The following LSAMP variants were observed in gnomAD, a reference collection of about 807,000 sequenced individuals.
LSAMP encodes the protein limbic system-associated membrane protein.
Under a neutral mutation model 38.6 loss-of-function variants are expected in LSAMP, and 7 were observed. That is an observed-to-expected ratio of 0.18 (90% CI 0.10 to 0.34). The LOEUF (loss-of-function observed/expected upper bound fraction) is 0.34. LSAMP is among the 10% of genes least tolerant of loss of function. LSAMP has a pLI of 1.00. For synonymous variants in LSAMP, 154 were observed against 166.8 expected (o/e 0.92, Z 0.59); for missense variants, 313 against 420.0 (o/e 0.75, Z 2.23).
chr3:116,210,517 T>G (rs926850613), intron 1 of LSAMP, among the ~76,000 whole-genome samples: 3 of 152,212 alleles, frequency 2.0e-5, no homozygotes, highest in African/African-American at 4.8e-5. Context: ...CCAGGAGCTC[T>G]CGGGCCTTTG....
At chr3:116,161,552 A>T (rs1052845822) in intron 1 of LSAMP, among the ~76,000 whole-genome samples, 27 of 152,140 alleles carry the variant, frequency 1.8e-4, no homozygotes, top group African/African-American at 6.5e-4. Flanking sequence ...CAGGTACATA[A>T]GCCTGGACTA....
chr3:116,105,658 G>T (rs911914059), intron 1 of LSAMP, among the ~76,000 whole-genome samples: 1 of 152,144 alleles, frequency 6.6e-6, no homozygotes, highest in Non-Finnish European at 1.5e-5. Flanking sequence ...CACAATGGTG[G>T]AATGTCATCA....
intron 4 of LSAMP, among the ~76,000 whole-genome samples, chr3:115,848,098 A>G (rs1293240887): frequency 6.6e-6 from 1 of 152,216 alleles, no homozygotes; most frequent in Non-Finnish European, 1.5e-5. Flanking sequence ...AGAATAAACT[A>G]AAGATGAGCA....
intron 3 of LSAMP, among the ~76,000 whole-genome samples, chr3:115,947,238 T>C (rs1938129201): frequency 6.6e-6 from 1 of 152,152 alleles, no homozygotes; most frequent in South Asian, 2.1e-4. Flanking sequence ...AAATCAGAAA[T>C]GAGACAATGA....
intron 1 of LSAMP, among the ~76,000 whole-genome samples, chr3:116,121,572 T>C (rs1708876676): frequency 6.6e-6 from 1 of 152,206 alleles, no homozygotes; most frequent in Non-Finnish European, 1.5e-5. Flanking sequence ...ATATGCTCAG[T>C]TGGCAGCAGA....
intron 1 of LSAMP, among the ~76,000 whole-genome samples, chr3:116,357,931 G>GACCT (rs2048247958): frequency 6.8e-6 from 1 of 146,236 alleles, no homozygotes; most frequent in Non-Finnish European, 1.5e-5. Context: ...AAAAAAAAAA[G>GACCT]AGGTTGAACA....
rs553588607 is a variant in LSAMP, at chr3:115,955,962, G to A, written c.514+63553C>T. Among the ~76,000 whole-genome samples the A allele has an allele frequency of 3.9e-5, 6 of 152,172 alleles. No homozygotes were observed. In the South Asian group the frequency reaches 1.2e-3, roughly 32 times the overall value. On this transcript the variant is annotated intron_variant, in intron 3 of 6. Transcript: ENST00000490035. ...CAGCATCAGGCATTTTTTTAAAAGA[G>A]TTTTTATAGAAAATTCAAGCTATTG... is the stretch of plus-strand genomic sequence containing the variant.
At chr3:116,393,031 A>G (rs1361553565) in intron 1 of LSAMP, among the ~76,000 whole-genome samples, 2 of 152,180 alleles carry the variant, frequency 1.3e-5, no homozygotes, top group African/African-American at 4.8e-5. Flanking sequence ...TCTATTGCTC[A>G]ATAAATCTTC....
chr3:115,920,094 A>G (rs1286134568), intron 3 of LSAMP, among the ~76,000 whole-genome samples: 1 of 152,184 alleles, frequency 6.6e-6, no homozygotes, highest in Non-Finnish European at 1.5e-5. Context: ...TTCAATGAAT[A>G]TTTAGGGTGT....
chr3:115,854,343 C>T (rs937441619), intron 3 of LSAMP, among the ~76,000 whole-genome samples: 21 of 139,012 alleles, frequency 1.5e-4, no homozygotes, highest in Middle Eastern at 4.0e-3. Context: ...ATTGCAGTGG[C>T]ACAATCTCGG....
At chr3:115,878,806 C>A (rs1338375574) in intron 3 of LSAMP, among the ~76,000 whole-genome samples, 1 of 151,994 alleles carries the variant, frequency 6.6e-6, no homozygotes, top group East Asian at 1.9e-4. Flanking sequence ...ATAACAACAA[C>A]AATGGTGGCC....
chr3:116,341,239 G>GA (rs1445904101), intron 1 of LSAMP, among the ~76,000 whole-genome samples: 1 of 151,858 alleles, frequency 6.6e-6, no homozygotes, highest in Admixed American at 6.6e-5. Context: ...CAAAGAAGTA[G>GA]AAAAAAACTA....
chr3:116,330,461 C>T (rs1267605633), intron 1 of LSAMP, among the ~76,000 whole-genome samples: 3 of 152,094 alleles, frequency 2.0e-5, no homozygotes, highest in African/African-American at 7.2e-5. Context: ...AAGCAGGTAA[C>T]CGTTATTGTT....
At chr3:116,319,802 T>C (rs1425734004) in intron 1 of LSAMP, among the ~76,000 whole-genome samples, 1 of 149,974 alleles carries the variant, frequency 6.7e-6, no homozygotes, top group African/African-American at 2.5e-5. Context: ...GTTTTTTTTT[T>C]TGTTTTTTTT....
intron 1 of LSAMP, among the ~76,000 whole-genome samples, chr3:116,246,693 G>C (rs552942817): frequency 6.6e-6 from 1 of 152,202 alleles, no homozygotes; most frequent in East Asian, 1.9e-4. Flanking sequence ...GCAAGAAGGG[G>C]AGGGCGTGTC....
At chr3:116,139,059 G>A (rs1709316164) in intron 1 of LSAMP, among the ~76,000 whole-genome samples, 2 of 151,618 alleles carry the variant, frequency 1.3e-5, no homozygotes, top group Non-Finnish European at 2.9e-5. Context: ...ATGTGTATAA[G>A]TATATATAAT....
intron 4 of LSAMP, among the ~76,000 whole-genome samples, chr3:115,849,916 G>C (rs901446050): frequency 2.6e-5 from 4 of 152,134 alleles, no homozygotes; most frequent in Non-Finnish European, 5.9e-5. Flanking sequence ...GAAATGTTGA[G>C]GGCAGAGTTT....
intron 1 of LSAMP, among the ~76,000 whole-genome samples, chr3:116,410,418 C>T (rs2048956952): frequency 6.6e-6 from 1 of 151,974 alleles, no homozygotes; most frequent in Non-Finnish European, 1.5e-5. Flanking sequence ...GAGGAAGCTC[C>T]ATCACCTGCT....
intron 2 of LSAMP, among the ~76,000 whole-genome samples, chr3:116,074,844 C>CTTTTTTTTTTTTTTTTTTTT (rs1161460100): frequency 9.3e-5 from 12 of 128,406 alleles, no homozygotes; most frequent in African/African-American, 3.7e-4. Context: ...TTTCTTTATT[C>CTTTTTTTTTTTTTTTTTTTT]TTTTTTTTTT....
Sources: gnomAD v4.1 joint callset for allele counts (sites outside exome capture counted in the v4.1 genomes callset) on GRCh38, gnomAD v4.1.1 for gene constraint, MANE v1.5 for transcripts, NCBI Gene and HGNC (gene_info 2026-07-23, HGNC 2026-07-21) for gene names.